DOCK10: variants seen among roughly 807,000 people sequenced by gnomAD.
DOCK10 encodes dedicator of cytokinesis 10.
In DOCK10, 145 loss-of-function variants were observed where a neutral mutation model predicts 280.1. The ratio of observed to expected loss-of-function variants is 0.52; its 90% confidence interval spans 0.45 to 0.59. The LOEUF is 0.59. Ranked by LOEUF, DOCK10 falls within the 20% of genes least tolerant of loss-of-function variation. The pLI is 0.00. For synonymous variants in DOCK10, 915 were observed against 942.2 expected, an observed-to-expected ratio of 0.97 and a Z score of 0.53; for missense variants, 2,368 against 2,651.7, an observed-to-expected ratio of 0.89 and a Z score of 2.35.
intron 1 of DOCK10, among the ~76,000 whole-genome samples, chr2:224,948,896 G>A (rs73081867): frequency 0.015 from 2,214 of 152,254 alleles, 56 homozygotes; most frequent in African/African-American, 0.05. Context: ...TCTAATATTT[G>A]CATCTATTTT....
chr2:224,956,166 G>A (rs1487145090), intron 1 of DOCK10, among the ~76,000 whole-genome samples: 1 of 152,182 alleles, frequency 6.6e-6, no homozygotes, highest in African/African-American at 2.4e-5. Flanking sequence ...TTTGGGACCT[G>A]GACAATAGTA....
At chr2:224,974,151 C>T (rs1272838696) in intron 1 of DOCK10, among the ~76,000 whole-genome samples, 1 of 152,154 alleles carries the variant, frequency 6.6e-6, no homozygotes, top group African/African-American at 2.4e-5. Flanking sequence ...AAGTGCAGGG[C>T]AGCAGCAGTC....
At chr2:224,979,883 A>C (rs1705657283) in intron 1 of DOCK10, among the ~76,000 whole-genome samples, 1 of 152,130 alleles carries the variant, frequency 6.6e-6, no homozygotes, top group South Asian at 2.1e-4. Flanking sequence ...GTTAAACAGC[A>C]TGCCCAAGGT....
At position 224,834,196 on chromosome 2, in the gene DOCK10, C is replaced by T. The variant is rs1306503625; in HGVS notation, c.2918G>A (p.Gly973Asp). 2.5e-6 allele frequency: 4 copies of T among 1,613,392 alleles called. No individual in the cohort carries two copies. The highest frequency in any genetic ancestry group is 1.1e-5 in the South Asian group (1 of 91,082). ...TGTTGAGTCATTTGATTTCAAAAGA[C>T]CAGTCACATTTTTAGCCAGTTCCTC... ...VHEELAKNVT[G>D]LLKSNDSTTV... The change falls in exon 26 of 56, where the codon GGT becomes GAT. Residue 973 changes from glycine to aspartate, a missense_variant. Gly to Asp is a moderately conservative substitution (Grantham distance 94). Transcript: ENST00000258390.
At chr2:224,991,635 G>T (rs1330074637) in intron 1 of DOCK10, among the ~76,000 whole-genome samples, 1 of 152,124 alleles carries the variant, frequency 6.6e-6, no homozygotes, top group African/African-American at 2.4e-5. Context: ...GGAGAGGTGG[G>T]ACAGAAAGTT....
chr2:224,862,448 T>C, intron 14 of DOCK10: 3 of 485,750 alleles, frequency 6.2e-6, no homozygotes, highest in Non-Finnish European at 1.1e-5. Context: ...GCAGGGTACA[T>C]GTGTCACGGC....
Position 224,852,686 on chromosome 2 carries a change from T to G in DOCK10, c.2077-244A>C, listed in dbSNP as rs116913375. Among the ~76,000 whole-genome samples, 169 of 151,918 alleles carry G rather than the reference T, an allele frequency of 1.1e-3. 3 individuals carry two copies. In the East Asian group the frequency reaches 0.031, roughly 28 times the overall value. On this transcript the variant is annotated intron_variant, in intron 17 of 55. Transcript: ENST00000258390. Reference sequence around the variant, plus strand: ...CTATTTTTAGAATATCTTAAGAAACTAAAAAAAATAGTCGAACAAAATTAT... The same window carrying G: ...CTATTTTTAGAATATCTTAAGAAACGAAAAAAAATAGTCGAACAAAATTAT...
chr2:224,947,933 A>AT (rs1703520398), intron 1 of DOCK10, among the ~76,000 whole-genome samples: 1 of 152,234 alleles, frequency 6.6e-6, no homozygotes, highest in Admixed American at 6.5e-5. Flanking sequence ...AATAAAGAAT[A>AT]AATTAGGGAT....
At chr2:224,793,149 A>G (rs1224542272) in intron 46 of DOCK10, 77 bp from the exon 47 acceptor site, 3 of 1,108,724 alleles carry the variant, frequency 2.7e-6, no homozygotes, top group African/African-American at 1.6e-5. Context: ...ACAAATCGTT[A>G]GCCAATGATG....
chr2:225,011,046 G>A (rs1406601599), intron 1 of DOCK10, among the ~76,000 whole-genome samples: 3 of 152,210 alleles, frequency 2.0e-5, no homozygotes, highest in African/African-American at 7.2e-5. Flanking sequence ...CTCACAACAA[G>A]TCATGAGTTT....
At chr2:225,023,274 G>T (rs894851248) in intron 1 of DOCK10, among the ~76,000 whole-genome samples, 9 of 152,136 alleles carry the variant, frequency 5.9e-5, no homozygotes, top group Non-Finnish European at 1.5e-5. Flanking sequence ...GACTTCAGGT[G>T]ATCTGCCCAT....
intron 21 of DOCK10, 97 bp from the exon 22 acceptor site, chr2:224,844,936 TA>T: frequency 3.2e-6 from 3 of 932,670 alleles, no homozygotes; most frequent in Non-Finnish European, 5.0e-6. Flanking sequence ...TCTGATCCAT[TA>T]ATCTTATATC....
chr2:224,843,862 C>A (rs1696151743), intron 22 of DOCK10, among the ~76,000 whole-genome samples: 1 of 152,152 alleles, frequency 6.6e-6, no homozygotes, highest in Admixed American at 6.6e-5. Flanking sequence ...AAATATTTCT[C>A]ATTTTGATCA....
At chr2:224,807,312 G>C (rs934239046) in intron 33 of DOCK10, 1 of 192,682 alleles carries the variant, frequency 5.2e-6, no homozygotes, top group African/African-American at 2.4e-5. Flanking sequence ...AAGGCACTTG[G>C]CTATTTATTC....
intron 4 of DOCK10, among the ~76,000 whole-genome samples, chr2:224,894,392 T>C (rs1185121769): frequency 6.6e-6 from 1 of 152,208 alleles, no homozygotes; most frequent in Non-Finnish European, 1.5e-5. Flanking sequence ...GACCTAAAGA[T>C]GGTGGGAACA....
rs138977618 is a variant in DOCK10 at position 225,000,666 on chromosome 2, C to T, written c.123+41586G>A. Among the ~76,000 whole-genome samples the T allele has an allele frequency of 9.9e-3, 1,511 of 152,182 alleles. 15 individuals are homozygous for T. Among genetic ancestry groups the T allele is most frequent in the Middle Eastern group, 0.014 (4 of 294 alleles). On this transcript the variant is annotated intron_variant, in intron 1 of 55. Coordinates refer to ENST00000258390, the MANE Select transcript of DOCK10 (RefSeq NM_014689.3). ...GTCTTTCCCTCAGAGAAAGGTTGCC[C>T]GAAACAGGTCATAGGCTACTACTAG...
intron 41 of DOCK10, 87 bp from the exon 42 acceptor site, chr2:224,798,056 G>T: frequency 1.5e-6 from 2 of 1,326,176 alleles, no homozygotes; most frequent in South Asian, 1.3e-5. Context: ...CCTGTCATGT[G>T]GTAAGGCACT....
chr2:224,913,204 A>C (rs916803484), intron 3 of DOCK10, among the ~76,000 whole-genome samples: 11 of 152,338 alleles, frequency 7.2e-5, no homozygotes, highest in African/African-American at 2.4e-4. Flanking sequence ...ATTACATTTC[A>C]AAAGTTACAG....
At chr2:224,837,107 TTTCATTC>T (rs1695640512) in intron 25 of DOCK10, among the ~76,000 whole-genome samples, 1 of 152,242 alleles carries the variant, frequency 6.6e-6, no homozygotes, top group African/African-American at 2.4e-5. Context: ...GGTTCTTTCT[TTTCATTC>T]AAGAGGATGA....
Sources: allele counts gnomAD v4.1 joint callset (sites outside exome capture counted in the v4.1 genomes callset), GRCh38; gene constraint gnomAD v4.1.1; transcripts MANE v1.5; gene names NCBI Gene and HGNC (gene_info 2026-07-23, HGNC 2026-07-21).